The following G3BP2 variants were observed in gnomAD, a reference collection of about 807,000 sequenced individuals.
G3BP2 encodes ras GTPase-activating protein-binding protein 2.
A neutral mutation model predicts 56.7 loss-of-function variants in G3BP2; 11 were observed. That is an observed-to-expected ratio of 0.19 (90% CI 0.12 to 0.32). G3BP2 has a LOEUF of 0.32. Ranked by LOEUF, G3BP2 falls within the 10% of genes least tolerant of loss-of-function variation. The pLI, the probability that G3BP2 is intolerant of heterozygous loss-of-function variation, is 1.00. For synonymous variants in G3BP2, 165 were observed against 191.6 expected (o/e 0.86, Z 1.15); for missense variants, 340 against 610.9 (o/e 0.56, Z 4.67).
intron 3 of G3BP2, among the ~76,000 whole-genome samples, chr4:75,699,194 C>A (rs921062243): frequency 6.6e-6 from 1 of 152,204 alleles, no homozygotes; most frequent in Non-Finnish European, 1.5e-5. Context: ...AGCATACAGA[C>A]GTGATTTTAA....
In G3BP2 at chr4:75,698,179, G is replaced by A. The variant is rs563813397; in HGVS notation, c.-25+22698C>T. 3.3e-5 allele frequency among the ~76,000 whole-genome samples: 5 copies of A among 152,212 alleles called. No individual in the cohort carries two copies. The South Asian group carries it at 6.2e-4, about 19-fold the overall frequency. ...GGAGTTTATCCTGAAATATCTAGGG[G>A]AGCCCACTGTAATACAGAGAGTCCT... On this transcript the variant is annotated intron_variant, in intron 3 of 3. Coordinates refer to the G3BP2 transcript ENST00000499709.
chr4:75,666,675 T>C lies in G3BP2; in HGVS notation c.-24-4626A>G, dbSNP rs1197291542. Among the ~76,000 whole-genome samples the C allele has an allele frequency of 2.0e-5, 3 of 152,206 alleles. No individual in the cohort carries two copies. The East Asian group carries it at 5.8e-4, about 29-fold the overall frequency. ...GTTCGTATTTATAATTCATGCAGTGTACGTAAGAAGGTTGAGAAAAAGGAA... is the reference window on the plus strand; with the variant it reads ...GTTCGTATTTATAATTCATGCAGTGCACGTAAGAAGGTTGAGAAAAAGGAA... On this transcript the variant is annotated intron_variant, in intron 1 of 11. Coordinates refer to ENST00000359707, the MANE Select transcript of G3BP2 (RefSeq NM_203505.3).
At chr4:75,669,610 A>G (rs1196617969) in intron 1 of G3BP2, among the ~76,000 whole-genome samples, 1 of 152,186 alleles carries the variant, frequency 6.6e-6, no homozygotes, top group Non-Finnish European at 1.5e-5. Context: ...CTCCTACTAT[A>G]CTTTCTCATC....
At chr4:75,668,083 A>G (rs751428272) in intron 1 of G3BP2, among the ~76,000 whole-genome samples, 3 of 152,156 alleles carry the variant, frequency 2.0e-5, no homozygotes, top group Admixed American at 1.3e-4. Flanking sequence ...AAATTGCTCT[A>G]TATTTGTCAC....
Position 75,673,273 on chromosome 4 carries a change from G to A in G3BP2, c.-90C>T, listed in dbSNP as rs1431047720. On this transcript the variant is annotated 5_prime_UTR_variant, in exon 1 of 12. Transcript: ENST00000359707. ...AGAAGAGTCGCTGAGGACCGGGTGC[G>A]GCGGGTTCTTATTGCTCGCCGCCCC... 4 of 1,225,536 alleles carry A rather than the reference G, an allele frequency of 3.3e-6. No homozygotes were observed. Among genetic ancestry groups the A allele is most frequent in the Admixed American group, 8.5e-5 (2 of 23,502 alleles). 75.9% of individuals were successfully genotyped at this position (1,225,536 alleles called of 1,614,324 possible). A position where few individuals can be genotyped will look rare whatever the true frequency, so the allele number is the denominator to read the frequency against.
At chr4:75,682,778 G>A (rs1417133604) in intron 3 of G3BP2, among the ~76,000 whole-genome samples, 2 of 151,930 alleles carry the variant, frequency 1.3e-5, no homozygotes, top group East Asian at 1.9e-4. Context: ...TCAGGAGATC[G>A]AGACCATCCT....
chr4:75,688,110 C>T (rs753962962), intron 3 of G3BP2, among the ~76,000 whole-genome samples: 58 of 152,260 alleles, frequency 3.8e-4, no homozygotes, highest in African/African-American at 1.3e-3. Context: ...TAAAACTCTA[C>T]GTCTCATTTT....
intron 8 of G3BP2, among the ~76,000 whole-genome samples, chr4:75,652,214 A>C (rs552936414): frequency 6.6e-6 from 1 of 152,226 alleles, no homozygotes; most frequent in Non-Finnish European, 1.5e-5. Context: ...ATAAATATGA[A>C]GGTATTTTTC....
intron 3 of G3BP2, among the ~76,000 whole-genome samples, chr4:75,699,695 G>A (rs778195178): frequency 2.0e-5 from 3 of 152,146 alleles, no homozygotes; most frequent in Non-Finnish European, 4.4e-5. Flanking sequence ...ATCTGGTTGT[G>A]TCATGGCTCA....
rs530864042 is a variant in G3BP2 at position 75,643,588 on chromosome 4, C to G, written c.*1842G>C. 1 of 151,938 alleles carries G rather than the reference C, an allele frequency of 6.6e-6. No individual in the cohort carries two copies. Among genetic ancestry groups the G allele is most frequent in the East Asian group, 1.9e-4 (1 of 5,178 alleles). 9.4% of individuals were successfully genotyped at this position (151,938 alleles called of 1,614,324 possible). A position where few individuals can be genotyped will look rare whatever the true frequency, so the allele number is the denominator to read the frequency against. ...TCCCTCAAACATGGAAGACCTCATT[C>G]AAAGGGGGAAAAAGGGACAGATTTT... is the stretch of plus-strand genomic sequence containing the variant. On this transcript the variant is annotated 3_prime_UTR_variant, in exon 12 of 12. Transcript: ENST00000359707.
intron 3 of G3BP2, among the ~76,000 whole-genome samples, chr4:75,679,443 G>A (rs774489971): frequency 6.6e-6 from 1 of 152,232 alleles, no homozygotes; most frequent in Non-Finnish European, 1.5e-5. Context: ...GTATAAAGGA[G>A]TGTTTTCCTC....
chr4:75,678,254 CCTG>C (rs1733948081), upstream of G3BP2, among the ~76,000 whole-genome samples: 1 of 151,958 alleles, frequency 6.6e-6, no homozygotes, highest in Non-Finnish European at 1.5e-5. Context: ...TTCTCAGCCT[CCTG>C]AGTAGCTGGG....
At chr4:75,657,923 T>C (rs903468595) in intron 3 of G3BP2, among the ~76,000 whole-genome samples, 193 bp from the exon 4 acceptor site, 2 of 152,220 alleles carry the variant, frequency 1.3e-5, no homozygotes, top group Non-Finnish European at 2.9e-5. Flanking sequence ...AGCTCTCCAA[T>C]ATTGTGCAGT....
intron 6 of G3BP2, 108 bp downstream of exon 6, chr4:75,655,660 T>C: frequency 1.5e-6 from 1 of 670,080 alleles, no homozygotes. Flanking sequence ...AATACTGACA[T>C]AATAGGTGGT....
intron 3 of G3BP2, among the ~76,000 whole-genome samples, chr4:75,720,300 A>T (rs937711668): frequency 8.9e-4 from 134 of 149,930 alleles, no homozygotes; most frequent in African/African-American, 3.2e-3. Context: ...GGATCACGAG[A>T]TGAGGAGATC....
At chr4:75,717,702 C>G (rs1437670282) in intron 3 of G3BP2, among the ~76,000 whole-genome samples, 1 of 152,152 alleles carries the variant, frequency 6.6e-6, no homozygotes, top group Admixed American at 6.5e-5. Context: ...GCAACCCTAC[C>G]CTGGCTATTC....
chr4:75,652,637 A>G (rs1731787112), intron 8 of G3BP2, among the ~76,000 whole-genome samples: 1 of 152,126 alleles, frequency 6.6e-6, no homozygotes, highest in Non-Finnish European at 1.5e-5. Context: ...CTGTCTCAAA[A>G]AAATAAACGT....
chr4:75,662,206 G>A (rs1378898333), intron 1 of G3BP2, 157 bp from the exon 2 acceptor site: 5 of 474,812 alleles, frequency 1.1e-5, no homozygotes, highest in South Asian at 3.7e-5. Flanking sequence ...ACTACCATCA[G>A]ACTAACCTGA....
chr4:75,706,227 G>C (rs528028452), intron 3 of G3BP2, among the ~76,000 whole-genome samples: 1 of 152,150 alleles, frequency 6.6e-6, no homozygotes, highest in African/African-American at 2.4e-5. Flanking sequence ...GGATATTGAG[G>C]CAGCATTGTG....
Sources: allele counts gnomAD v4.1 joint callset (sites outside exome capture counted in the v4.1 genomes callset), GRCh38; gene constraint gnomAD v4.1.1; transcripts MANE v1.5; gene names NCBI Gene and HGNC (gene_info 2026-07-23, HGNC 2026-07-21).